ADGRA1: variants seen among roughly 807,000 people sequenced by gnomAD.
ADGRA1 encodes the protein G-protein coupled receptor 123.
ADGRA1 carries 12 observed loss-of-function variants against 21.3 expected under a neutral mutation model. The observed-to-expected ratio is 0.56, with a 90% CI of 0.36 to 0.91. The LOEUF (loss-of-function observed/expected upper bound fraction) is 0.91. ADGRA1 is among the 40% of genes least tolerant of loss of function. The pLI is 0.01. For missense variants in ADGRA1, 790 were observed against 805.6 expected (o/e 0.98, Z 0.23); for synonymous variants, 385 against 368.8 (o/e 1.04, Z -0.50).
intron 5 of ADGRA1, among the ~76,000 whole-genome samples, chr10:133,107,814 C>A (rs548909081): frequency 3.3e-5 from 5 of 152,276 alleles, no homozygotes; most frequent in Admixed American, 6.5e-5. Context: ...AGGGAAAAAA[C>A]CACCCTGTCT....
At position 133,129,714 on chromosome 10, in the gene ADGRA1, T is replaced by G; in HGVS notation, c.*203T>G. The G allele has an allele frequency of 2.5e-6, 1 of 405,470 alleles. No homozygotes were observed. 25.1% of individuals were successfully genotyped at this position (405,470 alleles called of 1,614,324 possible). A position where few individuals can be genotyped will look rare whatever the true frequency, so the allele number is the denominator to read the frequency against. ...TTCCTTGTGATCACACCCCTGCCCC[T>G]TCCTTGTGAAAGACCTCAGCGGGGA... On this transcript the variant is annotated 3_prime_UTR_variant, in exon 7 of 7. Coordinates refer to ENST00000392607, the MANE Select transcript of ADGRA1 (RefSeq NM_001083909.3).
intron 5 of ADGRA1, among the ~76,000 whole-genome samples, chr10:133,108,091 G>A (rs1019141532): frequency 7.9e-5 from 12 of 152,224 alleles, no homozygotes; most frequent in South Asian, 4.1e-4. Flanking sequence ...ATGTGGGCAC[G>A]AGGGGCCAGG....
intron 5 of ADGRA1, among the ~76,000 whole-genome samples, chr10:133,105,455 T>C (rs1258119473): frequency 6.7e-6 from 1 of 149,786 alleles, no homozygotes; most frequent in Non-Finnish European, 1.5e-5. Flanking sequence ...GCAGCCGACG[T>C]TTTGAGAAAG....
chr10:133,124,608 C>T (rs374666291), intron 5 of ADGRA1, among the ~76,000 whole-genome samples: 197 of 152,344 alleles, frequency 1.3e-3, no homozygotes, highest in African/African-American at 4.4e-3. Flanking sequence ...CGGGATTCGA[C>T]GTAACAGAAG....
chr10:133,093,370 C>T (rs892502758), intron 2 of ADGRA1: 14 of 1,294,860 alleles, frequency 1.1e-5, no homozygotes, highest in African/African-American at 6.0e-5. Flanking sequence ...GCAGAACACA[C>T]CAAAGAGGAG....
rs1333654446 is a variant in ADGRA1 at position 133,111,302 on chromosome 10, G to A, written c.401+8460G>A. Among the ~76,000 whole-genome samples, 40 of 14,138 alleles carry A rather than the reference G, an allele frequency of 2.8e-3. 5 individuals are homozygous for A. Among genetic ancestry groups the A allele is most frequent in the Non-Finnish European group, 4.3e-3 (32 of 7,362 alleles). The allele number at this position is 14,138 out of a possible 152,430, so 9.3% of individuals were successfully genotyped here. ...ATCCCACCAGACAACCTGCCCCCCCGGGAACCATCCCTCCTAATCCCACCA... is the reference window on the plus strand; with the variant it reads ...ATCCCACCAGACAACCTGCCCCCCCAGGAACCATCCCTCCTAATCCCACCA... On this transcript the variant is annotated intron_variant, in intron 5 of 6. Transcript: ENST00000392607.
intron 5 of ADGRA1, among the ~76,000 whole-genome samples, chr10:133,105,320 C>A (rs1433933508): frequency 6.6e-6 from 1 of 152,188 alleles, no homozygotes; most frequent in Non-Finnish European, 1.5e-5. Flanking sequence ...GAGTCTCAGC[C>A]GCCGTGCATG....
At chr10:133,123,803 G>A (rs559065338) in intron 5 of ADGRA1, among the ~76,000 whole-genome samples, 20 of 151,540 alleles carry the variant, frequency 1.3e-4, no homozygotes, top group African/African-American at 3.2e-4. Flanking sequence ...GCAGCCCTGC[G>A]TCCTCTCTCC....
At chr10:133,122,749 G>A (rs1852296412) in intron 5 of ADGRA1, among the ~76,000 whole-genome samples, 1 of 151,872 alleles carries the variant, frequency 6.6e-6, no homozygotes, top group South Asian at 2.1e-4. Flanking sequence ...CCCTGGCCGT[G>A]CCTCCCTGGC....
In ADGRA1 at chr10:133,129,466, C is replaced by G; in HGVS notation, c.1638C>G (p.Thr546=). The change falls in exon 7 of 7, where the codon ACC becomes ACG. Residue 546 remains threonine, a synonymous_variant. Transcript: ENST00000392607. The part of the protein sequence containing the change: ...LEGLPFGTDG[T]GNIRTGPWKN... ...GCCTGCCGTTTGGCACCGACGGGAC[C>G]GGCAACATCCGAACGGGACCCTGGA... 1 of 1,599,772 alleles carries G rather than the reference C, an allele frequency of 6.3e-7. No individual in the cohort carries two copies. Among genetic ancestry groups the G allele is most frequent in the South Asian group, 1.1e-5 (1 of 91,032 alleles).
rs568658180 is a variant in ADGRA1 at position 133,129,492 on chromosome 10, A to G, written c.1664A>G (p.Lys555Arg). 10 of 1,596,556 alleles carry G rather than the reference A, an allele frequency of 6.3e-6. No individual in the cohort carries two copies. The East Asian group carries it at 2.2e-4, about 36-fold the overall frequency. ...GTGNIRTGPW[K>R]NETTV Reference sequence around the variant, plus strand: ...GGCAACATCCGAACGGGACCCTGGAAAAACGAAACTACTGTGTAGATGGGG... The same window carrying G: ...GGCAACATCCGAACGGGACCCTGGAGAAACGAAACTACTGTGTAGATGGGG... Residue 555 changes from lysine to arginine, a missense_variant, in exon 7 of 7, where the codon AAA (lysine) becomes AGA (arginine). Lys to Arg is a conservative substitution (Grantham distance 26, BLOSUM62 2). This residue lies in a region of ADGRA1 where 391 missense variants were observed against 351.5 expected (regional missense o/e 1.11). Coordinates refer to ENST00000392607, the MANE Select transcript of ADGRA1 (RefSeq NM_001083909.3).
rs368746108 is a variant in ADGRA1 at position 133,127,444 on chromosome 10, C to T, written c.500+113C>T. 1.3e-4 allele frequency: 106 copies of T among 805,032 alleles called. 3 individuals are homozygous for T. Among genetic ancestry groups the T allele is most frequent in the South Asian group, 7.1e-4 (42 of 59,200 alleles). 49.9% of individuals were successfully genotyped at this position (805,032 alleles called of 1,614,324 possible). A position where few individuals can be genotyped will look rare whatever the true frequency, so the allele number is the denominator to read the frequency against. Reference sequence around the variant, plus strand: ...CCAGGACGAAGCAGCAAGGCCTGGGCCTGGACCTGGGGCTTGCCGAGAGCT... The same window carrying T: ...CCAGGACGAAGCAGCAAGGCCTGGGTCTGGACCTGGGGCTTGCCGAGAGCT... On this transcript the variant is annotated intron_variant, in intron 6 of 6. Coordinates refer to ENST00000392607, the MANE Select transcript of ADGRA1 (RefSeq NM_001083909.3).
chr10:133,115,646 G>A (rs1197136490), intron 5 of ADGRA1, among the ~76,000 whole-genome samples: 3 of 152,126 alleles, frequency 2.0e-5, no homozygotes, highest in Admixed American at 6.5e-5. Flanking sequence ...GGACCCCGCC[G>A]GCACTGTGGG....
rs748138939 is a variant in ADGRA1, at chr10:133,127,359, G to T, written c.500+28G>T. ...GAGTACCGGGCACCCAGAACCGGGA[G>T]CTGGGAGCAGCGGGTGGGCTCTGCC... On this transcript the variant is annotated intron_variant, in intron 6 of 6. Coordinates refer to ENST00000392607, the MANE Select transcript of ADGRA1 (RefSeq NM_001083909.3). 20 of 1,521,114 alleles carry T rather than the reference G, an allele frequency of 1.3e-5. No homozygotes were observed. The South Asian group carries it at 2.0e-4, about 16-fold the overall frequency. The allele number at this position is 1,521,114 out of a possible 1,614,324, so 94.2% of individuals were successfully genotyped here.
chr10:133,100,604 A>G (rs925521552), intron 4 of ADGRA1, among the ~76,000 whole-genome samples: 67 of 152,264 alleles, frequency 4.4e-4, no homozygotes, highest in Admixed American at 4.1e-3. Flanking sequence ...CTTGGAGGAG[A>G]TCTTGTTAAG....
intron 5 of ADGRA1, among the ~76,000 whole-genome samples, chr10:133,123,499 C>T (rs999058484): frequency 6.6e-6 from 1 of 152,208 alleles, no homozygotes; most frequent in Admixed American, 6.5e-5. Context: ...TCCCCAGTCA[C>T]CCCCTGTGAG....
chr10:133,093,507 G>A (rs1407541535), intron 2 of ADGRA1, among the ~76,000 whole-genome samples: 1 of 152,240 alleles, frequency 6.6e-6, no homozygotes, highest in African/African-American at 2.4e-5. Flanking sequence ...TTGGCTCCGA[G>A]GCCGGCAGAT....
chr10:133,109,333 G>T (rs1287044657), intron 5 of ADGRA1, among the ~76,000 whole-genome samples: 1 of 151,880 alleles, frequency 6.6e-6, no homozygotes, highest in Non-Finnish European at 1.5e-5. Context: ...CCTGACCCCA[G>T]CGGGCCTCCA....
At position 133,128,946 on chromosome 10, in the gene ADGRA1, A is replaced by G. The variant is rs1263037013; in HGVS notation, c.1118A>G (p.His373Arg). The G allele has an allele frequency of 3.2e-6, 5 of 1,556,446 alleles. No individual in the cohort carries two copies. In the African/African-American group the frequency reaches 4.1e-5, roughly 13 times the overall value. The change falls in exon 7 of 7, where the codon CAC becomes CGC. Residue 373 changes from histidine to arginine, a missense_variant. Coordinates refer to ENST00000392607, the MANE Select transcript of ADGRA1 (RefSeq NM_001083909.3). Reference sequence around the variant, plus strand: ...ACCAACCTGCAGGCCGCGCAGGGCCACGCCAGTTGCCTGTCACCGGCCACC... The same window carrying G: ...ACCAACCTGCAGGCCGCGCAGGGCCGCGCCAGTTGCCTGTCACCGGCCACC... ...KMTNLQAAQGHASCLSPATPC... is the reference protein window; with the variant it reads ...KMTNLQAAQGRASCLSPATPC...
Sources: gnomAD v4.1 joint callset for allele counts (sites outside exome capture counted in the v4.1 genomes callset) on GRCh38, gnomAD v4.1.1 for gene constraint, gnomAD v4.1.1 regional missense constraint, MANE v1.5 for transcripts, NCBI Gene and HGNC (gene_info 2026-07-23, HGNC 2026-07-21) for gene names.